Variants in ADGRL2 observed in about 807,000 individuals in gnomAD.
The protein encoded by ADGRL2 is calcium-independent alpha-latrotoxin receptor 2.
Under a neutral mutation model 157.4 loss-of-function variants are expected in ADGRL2, and 44 were observed. That is an observed-to-expected ratio of 0.28 (90% CI 0.22 to 0.36). The LOEUF is 0.36. ADGRL2 is among the 10% of genes least tolerant of loss of function. The pLI is 1.00. For missense variants in ADGRL2, 1,510 were observed against 1,768.9 expected (o/e 0.85, Z 2.63); for synonymous variants, 585 against 624.7 (o/e 0.94, Z 0.95).
intron 2 of ADGRL2, among the ~76,000 whole-genome samples, chr1:81,882,303 G>A (rs897665306): frequency 6.6e-6 from 1 of 152,102 alleles, no homozygotes; most frequent in Non-Finnish European, 1.5e-5. Flanking sequence ...TTTGGTTTAT[G>A]CCAAATATAC....
At chr1:81,503,498 C>G in intron 2 of ADGRL2, 2 of 1,601,296 alleles carry the variant, frequency 1.2e-6, no homozygotes, top group Non-Finnish European at 1.7e-6. Context: ...CCACTTGCCA[C>G]TCTCCAGTCG....
intron 3 of ADGRL2, among the ~76,000 whole-genome samples, chr1:81,626,568 TG>T (rs1287020615): frequency 3.3e-5 from 5 of 152,228 alleles, no homozygotes; most frequent in African/African-American, 9.6e-5. Context: ...GCACCGCGCC[TG>T]GCCTGAATGC....
At chr1:81,580,650 G>T (rs914228259) in intron 2 of ADGRL2, among the ~76,000 whole-genome samples, 5 of 152,118 alleles carry the variant, frequency 3.3e-5, no homozygotes, top group Non-Finnish European at 7.4e-5. Flanking sequence ...AGCCCTTGAT[G>T]ATTATGTTAT....
chr1:81,755,280 G>A (rs1042161353), intron 1 of ADGRL2, among the ~76,000 whole-genome samples: 1 of 150,344 alleles, frequency 6.7e-6, no homozygotes, highest in Admixed American at 6.7e-5. Context: ...GCAATAGAAT[G>A]AAGACTTCAT....
chr1:81,909,722 G>GT (rs34439783), intron 3 of ADGRL2, among the ~76,000 whole-genome samples: 24,911 of 147,092 alleles, frequency 0.17, 2,466 homozygotes, highest in Middle Eastern at 0.31. Flanking sequence ...ACCATTGCTT[G>GT]TTTTTTTTTT....
At chr1:81,703,024 G>T (rs974585447) in intron 1 of ADGRL2, among the ~76,000 whole-genome samples, 6 of 152,172 alleles carry the variant, frequency 3.9e-5, no homozygotes, top group African/African-American at 1.2e-4. Flanking sequence ...AACACACTGG[G>T]GTAGTTCAGG....
chr1:81,567,897 T>C (rs1378391500), intron 2 of ADGRL2, among the ~76,000 whole-genome samples: 2 of 152,116 alleles, frequency 1.3e-5, no homozygotes, highest in Non-Finnish European at 2.9e-5. Context: ...TTAAACTGAA[T>C]GTGTTTAAAT....
chr1:81,328,787 C>A (rs1302561465), intron 1 of ADGRL2, among the ~76,000 whole-genome samples: 1 of 151,982 alleles, frequency 6.6e-6, no homozygotes. Flanking sequence ...GCTCTAGCCA[C>A]CCCACTCTTC....
At chr1:81,477,985 C>A (rs1407001776) in intron 2 of ADGRL2, among the ~76,000 whole-genome samples, 2 of 151,986 alleles carry the variant, frequency 1.3e-5, no homozygotes, top group Non-Finnish European at 2.9e-5. Flanking sequence ...ACACTGTGTT[C>A]CAAAACTGAA....
At chr1:81,621,488 G>A in intron 3 of ADGRL2, among the ~76,000 whole-genome samples, 1 of 152,190 alleles carries the variant, frequency 6.6e-6, no homozygotes, top group East Asian at 1.9e-4. Flanking sequence ...AGAGAGGAGT[G>A]CCAAGGAATA....
At chr1:81,531,299 G>A (rs1305033866) in intron 2 of ADGRL2, among the ~76,000 whole-genome samples, 1 of 152,146 alleles carries the variant, frequency 6.6e-6, no homozygotes, top group African/African-American at 2.4e-5. Context: ...TAGATTGCAT[G>A]TATGGTAATG....
intron 1 of ADGRL2, among the ~76,000 whole-genome samples, chr1:81,822,920 T>A (rs909196532): frequency 1.3e-5 from 2 of 152,138 alleles, no homozygotes; most frequent in Non-Finnish European, 2.9e-5. Flanking sequence ...TTTTAAAAAC[T>A]CTTTCTTGAG....
intron 2 of ADGRL2, among the ~76,000 whole-genome samples, chr1:81,499,341 G>A (rs1294155298): frequency 6.6e-6 from 1 of 152,270 alleles, no homozygotes; most frequent in Admixed American, 6.5e-5. Context: ...CAGCATAAAT[G>A]CTGTGATTCA....
intron 3 of ADGRL2, among the ~76,000 whole-genome samples, chr1:81,691,910 A>T (rs2083346788): frequency 6.8e-6 from 1 of 147,230 alleles, no homozygotes; most frequent in Admixed American, 6.9e-5. Flanking sequence ...GTGTATATAG[A>T]TATATGTGTG....
chr1:81,980,353 G>T (rs932377563), intron 18 of ADGRL2, among the ~76,000 whole-genome samples: 26 of 151,834 alleles, frequency 1.7e-4, no homozygotes, highest in Admixed American at 6.6e-5. Flanking sequence ...TTTCCTAAGA[G>T]AATTTACTCT....
chr1:81,470,423 T>C (rs2078147439), intron 2 of ADGRL2, among the ~76,000 whole-genome samples: 1 of 152,156 alleles, frequency 6.6e-6, no homozygotes, highest in Non-Finnish European at 1.5e-5. Context: ...CTGCTCCCTG[T>C]ACCCAGCTGT....
intron 2 of ADGRL2, among the ~76,000 whole-genome samples, chr1:81,458,297 C>T (rs2077847884): frequency 6.6e-6 from 1 of 152,142 alleles, no homozygotes; most frequent in African/African-American, 2.4e-5. Flanking sequence ...CATGTTGTTA[C>T]CTATAGGCAT....
chr1:81,508,941 G>A lies in ADGRL2; in HGVS notation c.-248+63852G>A, dbSNP rs138679490. ...CCAGCCCATGTGACCTTCTTTTCTAGGTTCAGATCAAAGAACTGTTGATCT... is the reference window on the plus strand; with the variant it reads ...CCAGCCCATGTGACCTTCTTTTCTAAGTTCAGATCAAAGAACTGTTGATCT... On this transcript the variant is annotated intron_variant, in intron 2 of 24. Transcript: ENST00000370721. Among the ~76,000 whole-genome samples the A allele has an allele frequency of 3.6e-3, 553 of 152,256 alleles. 3 individuals carry two copies. Among genetic ancestry groups the A allele is most frequent in the African/African-American group, 0.013 (524 of 41,540 alleles).
chr1:81,619,269 T>C (rs1166466218), intron 3 of ADGRL2, among the ~76,000 whole-genome samples: 1 of 122,946 alleles, frequency 8.1e-6, no homozygotes, highest in Non-Finnish European at 1.7e-5. Flanking sequence ...TCCAGCACAG[T>C]TGTGGCTTTT....
Sources: allele counts gnomAD v4.1 joint callset (sites outside exome capture counted in the v4.1 genomes callset), GRCh38; gene constraint gnomAD v4.1.1; transcripts MANE v1.5; gene names NCBI Gene and HGNC (gene_info 2026-07-23, HGNC 2026-07-21).